The following MAP3K4 variants were observed in gnomAD, a reference collection of about 807,000 sequenced individuals.
The protein encoded by MAP3K4 is mitogen-activated protein kinase kinase kinase 4.
Under a neutral mutation model 185.6 loss-of-function variants are expected in MAP3K4, and 67 were observed. The observed-to-expected ratio is 0.36, with a 90% confidence interval of 0.30 to 0.44. MAP3K4 has a LOEUF of 0.44. Among genes scored for constraint, MAP3K4 ranks in the 20% least tolerant of loss-of-function variants. The pLI, the probability that MAP3K4 is intolerant of heterozygous loss-of-function variation, is 1.00. For missense variants in MAP3K4, 1,551 were observed against 1,995.1 expected, an observed-to-expected ratio of 0.78 and a Z score of 4.24; for synonymous variants, 702 against 710.4, an observed-to-expected ratio of 0.99 and a Z score of 0.19.
In MAP3K4 at chr6:161,112,203, CT is replaced by C. The variant is rs34235824; in HGVS notation, c.4519+249del. 6.6e-6 allele frequency among the ~76,000 whole-genome samples: 1 copy of C among 151,960 alleles called. No homozygotes were observed. Among genetic ancestry groups the C allele is most frequent in the African/African-American group, 2.4e-5 (1 of 41,378 alleles). On this transcript the variant is annotated intron_variant, in intron 24 of 26. Transcript: ENST00000392142. The surrounding 1 kb of genome is among the most constrained non-coding windows in gnomAD (Gnocchi z 5.1). ...GCCTCTTTTTCTCACCAGAACAACT[CT>C]TTTGTTGTTTGCATTGTTTTTCTTA... is the stretch of plus-strand genomic sequence containing the variant.
At chr6:161,018,577 T>C (rs563129643) in intron 1 of MAP3K4, among the ~76,000 whole-genome samples, 16 of 152,282 alleles carry the variant, frequency 1.1e-4, no homozygotes, top group African/African-American at 3.1e-4. Context: ...TGAGATAATT[T>C]AATAGCCTAC....
In MAP3K4 at chr6:161,115,212, T is replaced by G. The variant is rs1778539321; in HGVS notation, c.4716T>G (p.Pro1572=). ...CACCAATCCCTGAAAGATTAAGCCC[T>G]GAAGGAAAGGACTTCCTTTCTCACT... ...HKPPIPERLS[P]EGKDFLSHCL... Residue 1572 remains proline, a synonymous_variant, in exon 26 of 27, where the codon CCT becomes CCG. Transcript: ENST00000392142. The surrounding 1 kb of genome is among the most constrained non-coding windows in gnomAD (Gnocchi z 6.0). 6.2e-7 allele frequency: 1 copy of G among 1,614,038 alleles called. No individual in the cohort carries two copies. The highest frequency in any genetic ancestry group is 1.3e-5 in the African/African-American group (1 of 74,934).
chr6:161,055,193 A>C (rs1355936034), intron 3 of MAP3K4, among the ~76,000 whole-genome samples: 4 of 152,200 alleles, frequency 2.6e-5, no homozygotes, highest in Middle Eastern at 6.3e-3. Context: ...GACCCTTCCC[A>C]ACCCTGCTTA....
intron 2 of MAP3K4, among the ~76,000 whole-genome samples, chr6:161,042,979 C>T (rs1383962321): frequency 2.0e-5 from 3 of 151,848 alleles, no homozygotes; most frequent in Admixed American, 1.3e-4. Flanking sequence ...TGTGTGTGTG[C>T]ATGCATGCGT....
intron 1 of MAP3K4, among the ~76,000 whole-genome samples, chr6:161,005,270 A>T (rs1293896468): frequency 2.0e-5 from 3 of 151,346 alleles, no homozygotes; most frequent in African/African-American, 7.3e-5. Context: ...TCCCCAGTAG[A>T]TGGAACTATA....
rs554553802 is a variant in MAP3K4 at position 161,038,218 on chromosome 6, A to T, written c.343+3769A>T. On this transcript the variant is annotated intron_variant, in intron 2 of 26. Coordinates refer to ENST00000392142, the MANE Select transcript of MAP3K4 (RefSeq NM_005922.4). ...CCTAGTTCCAGGTCAAGTAGGGAGT[A>T]CACAAATGACCAACAGTACAGGCTC... is the stretch of plus-strand genomic sequence containing the variant. Among the ~76,000 whole-genome samples the T allele has an allele frequency of 2.4e-3, 361 of 152,280 alleles. 3 individuals are homozygous for T. Among genetic ancestry groups the T allele is most frequent in the Non-Finnish European group, 3.1e-3 (211 of 68,018 alleles).
chr6:161,077,312 T>C lies in MAP3K4; in HGVS notation c.2098-3569T>C, dbSNP rs1785223959. Among the ~76,000 whole-genome samples the C allele has an allele frequency of 6.6e-6, 1 of 152,146 alleles. No homozygotes were observed. Among genetic ancestry groups the C allele is most frequent in the African/African-American group, 2.4e-5 (1 of 41,440 alleles). ...TGTACCCCGGAACTTAAAATAAAAA[T>C]TAAAGAAAAATCAACAAGAACATAT... On this transcript the variant is annotated intron_variant, in intron 5 of 26. Coordinates refer to ENST00000392142, the MANE Select transcript of MAP3K4 (RefSeq NM_005922.4). The surrounding 1 kb of genome is among the most constrained non-coding windows in gnomAD (Gnocchi z 4.3).
chr6:161,034,568 T>C lies in MAP3K4; in HGVS notation c.343+119T>C. ...ATTTGATTTTAATGCTCCTGTAAAG[T>C]TCAATTTTTTTTTGAATTATTACCA... is the stretch of plus-strand genomic sequence containing the variant. On this transcript the variant is annotated intron_variant, in intron 2 of 26. Transcript: ENST00000392142. This position sits in a 1 kb window ranked among gnomAD's most constrained non-coding sequence, Gnocchi z 4.4. 2 of 719,874 alleles carry C rather than the reference T, an allele frequency of 2.8e-6. No individual in the cohort carries two copies. Among genetic ancestry groups the C allele is most frequent in the Non-Finnish European group, 3.9e-6 (2 of 514,516 alleles). The allele number at this position is 719,874 out of a possible 1,614,324, so 44.6% of individuals were successfully genotyped here.
chr6:161,019,866 G>T (rs558829094), intron 1 of MAP3K4, among the ~76,000 whole-genome samples: 2 of 152,060 alleles, frequency 1.3e-5, no homozygotes, highest in South Asian at 2.1e-4. Flanking sequence ...AAATTTGTCC[G>T]AATAATTAAC....
rs1470570469 is a variant in MAP3K4, at chr6:161,073,835, A to G, written c.2097+223A>G. 6.6e-6 allele frequency among the ~76,000 whole-genome samples: 1 copy of G among 152,132 alleles called. No homozygotes were observed. Among genetic ancestry groups the G allele is most frequent in the Non-Finnish European group, 1.5e-5 (1 of 68,032 alleles). On this transcript the variant is annotated intron_variant, in intron 5 of 26. Coordinates refer to ENST00000392142, the MANE Select transcript of MAP3K4 (RefSeq NM_005922.4). This position sits in a 1 kb window ranked among gnomAD's most constrained non-coding sequence, Gnocchi z 4.2. ...TCAGAGTCTTTCCATCTGGTATTAGATTACATTTGTTTCTCTGAAATCCAC... is the reference window on the plus strand; with the variant it reads ...TCAGAGTCTTTCCATCTGGTATTAGGTTACATTTGTTTCTCTGAAATCCAC...
At chr6:161,068,790 C>T (rs1397598310) in intron 3 of MAP3K4, among the ~76,000 whole-genome samples, 3 of 152,156 alleles carry the variant, frequency 2.0e-5, no homozygotes, top group African/African-American at 7.2e-5. Context: ...CATGAATGAG[C>T]ATTAATTAGT....
chr6:161,100,091 G>T lies in MAP3K4; in HGVS notation c.3674+1664G>T, dbSNP rs1777771328. ...GAGATGGTAGGTAGAGAAGAGCACA[G>T]CCACGTGAAGAGGTGTGGGGTGGTT... On this transcript the variant is annotated intron_variant, in intron 17 of 26. Transcript: ENST00000392142. The surrounding 1 kb of genome is among the most constrained non-coding windows in gnomAD (Gnocchi z 5.8). Among the ~76,000 whole-genome samples the T allele has an allele frequency of 6.6e-6, 1 of 152,204 alleles. No individual in the cohort carries two copies. Among genetic ancestry groups the T allele is most frequent in the Admixed American group, 6.5e-5 (1 of 15,282 alleles).
intron 1 of MAP3K4, among the ~76,000 whole-genome samples, chr6:160,992,556 C>T (rs762200427): frequency 6.6e-6 from 1 of 152,168 alleles, no homozygotes; most frequent in Non-Finnish European, 1.5e-5. Flanking sequence ...CTCCTTTTGC[C>T]CGCTCCAGAG....
At chr6:161,047,007 C>T (rs1467724910) in intron 2 of MAP3K4, among the ~76,000 whole-genome samples, 1 of 145,808 alleles carries the variant, frequency 6.9e-6, no homozygotes. Flanking sequence ...ATAATATATT[C>T]TAAGGTAAAA....
At position 161,080,032 on chromosome 6, in the gene MAP3K4, G is replaced by A. The variant is rs1418122720; in HGVS notation, c.2098-849G>A. On this transcript the variant is annotated intron_variant, in intron 5 of 26. Coordinates refer to ENST00000392142, the MANE Select transcript of MAP3K4 (RefSeq NM_005922.4). This position sits in a 1 kb window ranked among gnomAD's most constrained non-coding sequence, Gnocchi z 4.8. ...CCGAGTGTAGTCACCTTCAGGATGT[G>A]GGAGAGCAGTGGTGGGTGGGCGCTC... is the stretch of plus-strand genomic sequence containing the variant. 6.6e-6 allele frequency among the ~76,000 whole-genome samples: 1 copy of A among 152,198 alleles called. No homozygotes were observed. The highest frequency in any genetic ancestry group is 1.5e-5 in the Non-Finnish European group (1 of 68,034).
chr6:160,992,222 C>T (rs1457551061), intron 1 of MAP3K4, 139 bp downstream of exon 1: 7 of 1,198,620 alleles, frequency 5.8e-6, no homozygotes, highest in Non-Finnish European at 7.7e-6. Flanking sequence ...GCGGGAGGGG[C>T]GCGGTGCATC....
chr6:161,082,943 A>G lies in MAP3K4; in HGVS notation c.2256-1558A>G, dbSNP rs191031258. On this transcript the variant is annotated intron_variant, in intron 6 of 26. Transcript: ENST00000392142. The surrounding 1 kb of genome is among the most constrained non-coding windows in gnomAD (Gnocchi z 4.2). ...CAGTGGCTCCCCATCTTACTCAGGA[A>G]ACGTAAGACTGCCTAACAATGGCCC... Among the ~76,000 whole-genome samples, 5 of 152,330 alleles carry G rather than the reference A, an allele frequency of 3.3e-5. No homozygotes were observed. Among genetic ancestry groups the G allele is most frequent in the Admixed American group, 3.3e-4 (5 of 15,304 alleles).
Position 161,017,722 on chromosome 6 carries a change from C to G in MAP3K4, c.153-16537C>G, listed in dbSNP as rs1278788163. The stretch of plus-strand genomic sequence containing the variant: ...ACATAAACATATACATATTTTTGAA[C>G]AAAATTTCCTTTCTCCTTTGCTTCC... On this transcript the variant is annotated intron_variant, in intron 1 of 26. Coordinates refer to ENST00000392142, the MANE Select transcript of MAP3K4 (RefSeq NM_005922.4). The surrounding 1 kb of genome is among the most constrained non-coding windows in gnomAD (Gnocchi z 5.1). Among the ~76,000 whole-genome samples the G allele has an allele frequency of 6.6e-6, 1 of 152,020 alleles. No homozygotes were observed. Among genetic ancestry groups the G allele is most frequent in the East Asian group, 1.9e-4 (1 of 5,198 alleles).
rs1004101783 is a variant in MAP3K4, at chr6:161,051,500, A to G, written c.1707+1521A>G. Among the ~76,000 whole-genome samples, 45 of 152,256 alleles carry G rather than the reference A, an allele frequency of 3.0e-4. No homozygotes were observed. Among genetic ancestry groups the G allele is most frequent in the Admixed American group, 2.9e-3 (45 of 15,284 alleles). The stretch of plus-strand genomic sequence containing the variant: ...GAATATTATTTTGATTAGAAATCTT[A>G]AACATGAATGGCTGGAGTGGTTTAA... On this transcript the variant is annotated intron_variant, in intron 3 of 26. Transcript: ENST00000392142. This position sits in a 1 kb window ranked among gnomAD's most constrained non-coding sequence, Gnocchi z 4.2.
Sources: allele counts gnomAD v4.1 joint callset (sites outside exome capture counted in the v4.1 genomes callset), GRCh38; gene constraint gnomAD v4.1.1; non-coding constraint Gnocchi (gnomAD v3.1); transcripts MANE v1.5; gene names NCBI Gene and HGNC (gene_info 2026-07-23, HGNC 2026-07-21).